Variants in PLB1 observed in about 807,000 individuals in gnomAD.
PLB1 encodes phospholipase B1.
In PLB1, 242 loss-of-function variants were observed where a neutral mutation model predicts 227.4. That is an observed-to-expected ratio of 1.06 (90% CI 0.96 to 1.18). The LOEUF (loss-of-function observed/expected upper bound fraction) is 1.18, where lower values mean the gene tolerates loss of function less well. PLB1 is among the 50% of genes most tolerant of loss of function. The pLI, the probability that PLB1 is intolerant of heterozygous loss-of-function variation, is 0.00. For synonymous variants in PLB1, 757 were observed against 682.2 expected (o/e 1.11, Z -1.71); for missense variants, 1,858 against 1,816.3 (o/e 1.02, Z -0.42).
chr2:28,532,111 C>T lies in PLB1; in HGVS notation c.472C>T (p.Leu158Phe). 6.2e-7 allele frequency: 1 copy of T among 1,610,642 alleles called. No homozygotes were observed. Among genetic ancestry groups the T allele is most frequent in the Non-Finnish European group, 8.5e-7 (1 of 1,178,182 alleles). ...LVRNMKENLQLDFQFDWKLIN... is the reference protein window; with the variant it reads ...LVRNMKENLQFDFQFDWKLIN... Reference sequence around the variant, plus strand: ...ATGCTGTTGCCCTTTTATTCAGCAACTTGACTTTCAATTTGACTGGAAGCT... The same window carrying T: ...ATGCTGTTGCCCTTTTATTCAGCAATTTGACTTTCAATTTGACTGGAAGCT... The change falls in exon 9 of 58, where the codon CTT (leucine) becomes TTT (phenylalanine). Residue 158 changes from leucine to phenylalanine, a missense_variant. Coordinates refer to ENST00000327757, the MANE Select transcript of PLB1 (RefSeq NM_153021.5).
Position 28,620,903 on chromosome 2 carries a change from A to G in PLB1, c.3452A>G (p.Tyr1151Cys), listed in dbSNP as rs1686955212. ...GACATTCTGAAGAAGTTCAACCCTT[A>G]CCTCCTTGGCTTCTCTACCAGCACC... ...LPNILKKFNP[Y>C]LLGFSTSTWE... The change falls in exon 49 of 58, where the codon TAC (tyrosine) becomes TGC (cysteine). Residue 1151 changes from tyrosine (Y) to cysteine (C), a missense_variant. Transcript: ENST00000327757. 6.2e-7 allele frequency: 1 copy of G among 1,613,480 alleles called. No homozygotes were observed. The highest frequency in any genetic ancestry group is 1.1e-5 in the South Asian group (1 of 91,056).
intron 39 of PLB1, among the ~76,000 whole-genome samples, chr2:28,603,740 G>C (rs1218994659): frequency 1.3e-5 from 2 of 152,236 alleles, no homozygotes; most frequent in Admixed American, 1.3e-4. Flanking sequence ...GTTGGTATGA[G>C]AGGGTGCTCA....
At chr2:28,572,821 C>T (rs768966422) in intron 20 of PLB1, among the ~76,000 whole-genome samples, 8 of 152,020 alleles carry the variant, frequency 5.3e-5, no homozygotes, top group East Asian at 1.9e-4. Flanking sequence ...AAGTTGATTA[C>T]GTGGTGATGA....
At chr2:28,571,408 A>G (rs1293762993) in intron 20 of PLB1, among the ~76,000 whole-genome samples, 1 of 152,214 alleles carries the variant, frequency 6.6e-6, no homozygotes, top group Non-Finnish European at 1.5e-5. Flanking sequence ...TGTGATCCCT[A>G]TCAAAATTCC....
chr2:28,510,278 A>T (rs528766322), intron 1 of PLB1, among the ~76,000 whole-genome samples: 8 of 152,098 alleles, frequency 5.3e-5, no homozygotes, highest in Admixed American at 1.3e-4. Flanking sequence ...AGGCTTGGAG[A>T]AGTTGATCAG....
At chr2:28,504,691 G>A (rs953035783) in intron 1 of PLB1, among the ~76,000 whole-genome samples, 11 of 152,036 alleles carry the variant, frequency 7.2e-5, no homozygotes, top group African/African-American at 2.2e-4. Context: ...GCAGTGAGCC[G>A]AGATTGGGCC....
intron 17 of PLB1, among the ~76,000 whole-genome samples, chr2:28,554,575 T>C (rs1389544043): frequency 6.9e-6 from 1 of 145,600 alleles, no homozygotes; most frequent in Non-Finnish European, 1.5e-5. Context: ...GCTCAGGCGA[T>C]CCTCCAGCGC....
At chr2:28,611,946 C>T (rs1685514119) in intron 43 of PLB1, among the ~76,000 whole-genome samples, 1 of 152,092 alleles carries the variant, frequency 6.6e-6, no homozygotes, top group Non-Finnish European at 1.5e-5. Flanking sequence ...CGAGACCATC[C>T]TGGCTAACAT....
In PLB1 at chr2:28,626,525, C is replaced by A. The variant is rs1191272944; in HGVS notation, c.3660+17C>A. ...GAGAATCCGGTAGGCCCCCGACCAA[C>A]CCCATGGGGACCTGAGAAGGAAGGT... On this transcript the variant is annotated intron_variant, in intron 51 of 57. Coordinates refer to ENST00000327757, the MANE Select transcript of PLB1 (RefSeq NM_153021.5). 6.2e-7 allele frequency: 1 copy of A among 1,608,046 alleles called. No individual in the cohort carries two copies. The highest frequency in any genetic ancestry group is 2.2e-5 in the East Asian group (1 of 44,840).
At chr2:28,534,545 C>G (rs992363015) in intron 9 of PLB1, among the ~76,000 whole-genome samples, 2 of 152,180 alleles carry the variant, frequency 1.3e-5, no homozygotes, top group African/African-American at 4.8e-5. Flanking sequence ...ACATCTCACA[C>G]TGTGGGTCAA....
At chr2:28,629,448 C>T (rs921469079) in intron 53 of PLB1, among the ~76,000 whole-genome samples, 9 of 152,218 alleles carry the variant, frequency 5.9e-5, no homozygotes, top group African/African-American at 2.2e-4. Flanking sequence ...CTGACATTGT[C>T]AGTGATTGCC....
At chr2:28,630,130 C>A (rs1188303245) in intron 53 of PLB1, among the ~76,000 whole-genome samples, 2 of 152,154 alleles carry the variant, frequency 1.3e-5, no homozygotes, top group East Asian at 3.8e-4. Context: ...GAGGGAGGGT[C>A]CTAAGCAGTT....
chr2:28,591,917 G>A (rs1437283520), intron 31 of PLB1, among the ~76,000 whole-genome samples, 157 bp downstream of exon 31: 6 of 152,134 alleles, frequency 3.9e-5, no homozygotes, highest in Admixed American at 1.3e-4. Flanking sequence ...TCCCTGTTTC[G>A]CACCACTCTG....
chr2:28,574,217 T>TG (rs1678498180), intron 21 of PLB1, among the ~76,000 whole-genome samples: 1 of 152,158 alleles, frequency 6.6e-6, no homozygotes, highest in South Asian at 2.1e-4. Flanking sequence ...CAACACTTTT[T>TG]GGGGTACAGG....
intron 7 of PLB1, 22 bp downstream of exon 7, chr2:28,529,429 C>G: frequency 1.3e-6 from 2 of 1,551,102 alleles, no homozygotes; most frequent in African/African-American, 2.7e-5. Flanking sequence ...TTCTGTCTCT[C>G]TCTGAGGTTA....
intron 32 of PLB1, among the ~76,000 whole-genome samples, chr2:28,593,139 C>T (rs1682278134): frequency 6.6e-6 from 1 of 152,158 alleles, no homozygotes; most frequent in Non-Finnish European, 1.5e-5. Flanking sequence ...GTGGATGAAG[C>T]TCTGCTCCTA....
intron 3 of PLB1, among the ~76,000 whole-genome samples, 181 bp from the exon 4 acceptor site, chr2:28,519,524 G>T (rs1176725955): frequency 6.6e-6 from 1 of 152,184 alleles, no homozygotes. Flanking sequence ...TTTCTGGCAG[G>T]ATTCCTAGGG....
intron 9 of PLB1, among the ~76,000 whole-genome samples, chr2:28,532,642 A>C (rs1671175042): frequency 1.3e-5 from 2 of 152,200 alleles, no homozygotes; most frequent in African/African-American, 4.8e-5. Flanking sequence ...TCATTCCGCA[A>C]CTGAGAAAAT....
intron 56 of PLB1, among the ~76,000 whole-genome samples, chr2:28,639,242 T>C (rs999232808): frequency 6.6e-6 from 1 of 151,836 alleles, no homozygotes; most frequent in African/African-American, 2.4e-5. Flanking sequence ...AACAATGCTG[T>C]GTCCAGAGAG....
Sources: gnomAD v4.1 joint callset for allele counts (sites outside exome capture counted in the v4.1 genomes callset) on GRCh38, gnomAD v4.1.1 for gene constraint, MANE v1.5 for transcripts, NCBI Gene and HGNC (gene_info 2026-07-23, HGNC 2026-07-21) for gene names.